PCDH15: variants seen among roughly 807,000 people sequenced by gnomAD.
The protein encoded by PCDH15 is protocadherin related 15.
Under a neutral mutation model 178.5 loss-of-function variants are expected in PCDH15, and 129 were observed. That is an observed-to-expected ratio of 0.72 (90% CI 0.63 to 0.84). The LOEUF is 0.84. PCDH15 is among the 40% of genes least tolerant of loss of function. The probability of loss-of-function intolerance (pLI) is 0.00; values close to 1 mark genes in which losing one functional copy is unlikely to be tolerated. For synonymous variants in PCDH15, 800 were observed against 732.0 expected (o/e 1.09, Z -1.50); for missense variants, 2,230 against 2,099.9 (o/e 1.06, Z -1.21).
chr10:55,556,779 T>G (rs1842099620), intron 2 of PCDH15, among the ~76,000 whole-genome samples: 1 of 152,156 alleles, frequency 6.6e-6, no homozygotes. Context: ...AGGCAAATTA[T>G]GAAGTGAGCC....
chr10:54,478,267 T>G (rs959244777), intron 3 of PCDH15, among the ~76,000 whole-genome samples: 6 of 152,208 alleles, frequency 3.9e-5, no homozygotes, highest in Admixed American at 3.9e-4. Flanking sequence ...ATTTGGATAT[T>G]TTTTAAAAAA....
At chr10:53,987,189 AT>A (rs2091165928) in intron 21 of PCDH15, among the ~76,000 whole-genome samples, 1 of 152,152 alleles carries the variant, frequency 6.6e-6, no homozygotes, top group African/African-American at 2.4e-5. Flanking sequence ...AGAAAAATTA[AT>A]TTGGCTTCAC....
At position 54,128,522 on chromosome 10, in the gene PCDH15, C is replaced by T. The variant is rs191779259; in HGVS notation, c.1917+4353G>A. ...ATTAGAGTATTGAATGGTGATCTTC[C>T]CTGTTTTGTGTGAATTTCTTTGGGA... On this transcript the variant is annotated intron_variant, in intron 15 of 37. Coordinates refer to ENST00000644397, the MANE Select transcript of PCDH15 (RefSeq NM_001384140.1). Among the ~76,000 whole-genome samples, 16 of 152,230 alleles carry T rather than the reference C, an allele frequency of 1.1e-4. No homozygotes were observed. In the Middle Eastern group the frequency reaches 0.014, roughly 129 times the overall value.
intron 2 of PCDH15, among the ~76,000 whole-genome samples, chr10:55,498,967 T>C (rs1295848045): frequency 6.6e-6 from 1 of 151,890 alleles, no homozygotes; most frequent in Non-Finnish European, 1.5e-5. Context: ...AGGTATCCTC[T>C]AGGAGTTGAA....
chr10:54,639,899 T>C (rs909652960), intron 2 of PCDH15, among the ~76,000 whole-genome samples: 1 of 152,162 alleles, frequency 6.6e-6, no homozygotes, highest in African/African-American at 2.4e-5. Flanking sequence ...TATATGGCAC[T>C]GAATAAAATA....
At chr10:53,809,629 T>C (rs2075795265) in intron 37 of PCDH15, 3 of 1,339,546 alleles carry the variant, frequency 2.2e-6, no homozygotes, top group Non-Finnish European at 3.1e-6. Flanking sequence ...TACGCAGGAA[T>C]GAATCTGTGG....
At chr10:55,130,861 C>T (rs1838023595) in intron 2 of PCDH15, among the ~76,000 whole-genome samples, 2 of 151,748 alleles carry the variant, frequency 1.3e-5, no homozygotes, top group Admixed American at 1.3e-4. Context: ...TTGACTTATT[C>T]TTGGTGGAAA....
intron 18 of PCDH15, among the ~76,000 whole-genome samples, chr10:54,024,716 G>A (rs2093030271): frequency 6.6e-6 from 1 of 152,140 alleles, no homozygotes; most frequent in Non-Finnish European, 1.5e-5. Flanking sequence ...CGGTGACAGA[G>A]TAGAATAGTT....
intron 8 of PCDH15, among the ~76,000 whole-genome samples, chr10:54,280,313 G>T (rs149696909): frequency 2.7e-5 from 4 of 149,040 alleles, no homozygotes; most frequent in South Asian, 2.1e-4. Context: ...GAGCAGTTCA[G>T]TGGAATGAAA....
chr10:55,493,964 T>A (rs190620714), intron 2 of PCDH15, among the ~76,000 whole-genome samples: 19 of 152,000 alleles, frequency 1.3e-4, no homozygotes, highest in Non-Finnish European at 2.2e-4. Context: ...ATGATTTTCA[T>A]ATTTGACAAG....
chr10:54,317,441 C>T lies in PCDH15; in HGVS notation c.706G>A (p.Asp236Asn), dbSNP rs758372739. 6.2e-7 allele frequency: 1 copy of T among 1,613,626 alleles called. No homozygotes were observed. Among genetic ancestry groups the T allele is most frequent in the African/African-American group, 1.3e-5 (1 of 74,924 alleles). Residue 236 changes from aspartate to asparagine, a missense_variant and splice_region_variant, in exon 8 of 38, where the codon GAC becomes AAC. Transcript: ENST00000644397. ...TRYFVIIQAN[D>N]RAQNLNERRT... ...CTCTCATTCAGATTTTGGGCACGGT[C>T]CTGTTAGGGAGAAAAACAAACAACA...
intron 11 of PCDH15, among the ~76,000 whole-genome samples, chr10:54,188,278 T>C (rs971202079): frequency 1.3e-5 from 2 of 151,888 alleles, no homozygotes; most frequent in African/African-American, 4.8e-5. Context: ...GAGTCAACAC[T>C]TGTATATTTG....
intron 25 of PCDH15, among the ~76,000 whole-genome samples, chr10:53,923,251 T>G (rs1052196116): frequency 4.6e-5 from 7 of 152,320 alleles, no homozygotes; most frequent in African/African-American, 1.4e-4. Flanking sequence ...TCTGTAATTA[T>G]TTTTAAGATA....
chr10:55,485,820 T>C (rs565567825), intron 2 of PCDH15, among the ~76,000 whole-genome samples: 2 of 151,850 alleles, frequency 1.3e-5, no homozygotes, highest in East Asian at 3.9e-4. Context: ...ATCAGTATAT[T>C]GAAGAGATAC....
intron 5 of PCDH15, among the ~76,000 whole-genome samples, chr10:54,355,202 C>A (rs563903090): frequency 6.9e-6 from 1 of 144,152 alleles, no homozygotes; most frequent in Non-Finnish European, 1.5e-5. Flanking sequence ...ATCCTCAATA[C>A]AAGTTTATAT....
At chr10:54,879,035 TG>T (rs1349872716) in intron 3 of PCDH15, among the ~76,000 whole-genome samples, 1 of 152,188 alleles carries the variant, frequency 6.6e-6, no homozygotes, top group Non-Finnish European at 1.5e-5. Context: ...CACCAAATGA[TG>T]ATTATGAAAA....
intron 18 of PCDH15, among the ~76,000 whole-genome samples, chr10:54,053,955 T>C (rs1229323860): frequency 6.6e-6 from 1 of 152,100 alleles, no homozygotes; most frequent in African/African-American, 2.4e-5. Context: ...ATTTGTAACA[T>C]GTAAAATGAT....
chr10:54,071,328 AT>A (rs1263079343), intron 17 of PCDH15, among the ~76,000 whole-genome samples: 1 of 152,152 alleles, frequency 6.6e-6, no homozygotes, highest in East Asian at 1.9e-4. Context: ...TTAATGAATA[AT>A]TTTTAATACA....
chr10:54,292,245 G>GAAA (rs764059866), intron 8 of PCDH15, among the ~76,000 whole-genome samples: 224 of 152,278 alleles, frequency 1.5e-3, no homozygotes, highest in African/African-American at 3.2e-3. Flanking sequence ...AATAGATGCA[G>GAAA]AAAAGACCTT....
Sources: allele counts gnomAD v4.1 joint callset (sites outside exome capture counted in the v4.1 genomes callset), GRCh38; gene constraint gnomAD v4.1.1; transcripts MANE v1.5; gene names NCBI Gene and HGNC (gene_info 2026-07-23, HGNC 2026-07-21).